Variants in ST6GALNAC5 observed in about 807,000 individuals in gnomAD.
ST6GALNAC5 encodes ST6 N-acetylgalactosaminide alpha-2,6-sialyltransferase 5.
A neutral mutation model predicts 33.6 loss-of-function variants in ST6GALNAC5; 27 were observed. The ratio of observed to expected loss-of-function variants is 0.80; its 90% CI spans 0.59 to 1.11. The LOEUF is 1.11. Ranked by LOEUF, ST6GALNAC5 falls within the 50% of genes least tolerant of loss-of-function variation. The pLI is 0.00. For missense variants in ST6GALNAC5, 428 were observed against 454.0 expected, an observed-to-expected ratio of 0.94 and a Z score of 0.52; for synonymous variants, 194 against 171.2, an observed-to-expected ratio of 1.13 and a Z score of -1.04.
At chr1:76,971,189 A>C (rs1389253493) in intron 2 of ST6GALNAC5, among the ~76,000 whole-genome samples, 1 of 152,190 alleles carries the variant, frequency 6.6e-6, no homozygotes, top group East Asian at 1.9e-4. Context: ...CTGTTTGCTA[A>C]ATATTTGCAA....
chr1:76,962,604 C>A (rs1381916721), intron 2 of ST6GALNAC5, among the ~76,000 whole-genome samples: 2 of 152,172 alleles, frequency 1.3e-5, no homozygotes, highest in Non-Finnish European at 2.9e-5. Flanking sequence ...ATTAAAGTTG[C>A]TATGTGAGAA....
chr1:77,053,728 G>A (rs1652303287), intron 4 of ST6GALNAC5, among the ~76,000 whole-genome samples: 1 of 152,326 alleles, frequency 6.6e-6, no homozygotes, highest in South Asian at 2.1e-4. Context: ...GGAATGCTTA[G>A]CAAAGTCTCA....
At chr1:77,060,139 G>C (rs979637065) in intron 4 of ST6GALNAC5, 1 of 152,268 alleles carries the variant, frequency 6.6e-6, no homozygotes, top group Non-Finnish European at 1.5e-5. Flanking sequence ...TCATTCTGCA[G>C]GGCTTGTTCT....
At chr1:76,900,281 T>A (rs973718702) in intron 2 of ST6GALNAC5, among the ~76,000 whole-genome samples, 8 of 152,072 alleles carry the variant, frequency 5.3e-5, no homozygotes, top group Non-Finnish European at 1.2e-4. Flanking sequence ...CATTTTCACT[T>A]CTTTTGTGGT....
intron 2 of ST6GALNAC5, among the ~76,000 whole-genome samples, chr1:76,998,380 G>C (rs1169986911): frequency 6.6e-6 from 1 of 151,828 alleles, no homozygotes; most frequent in South Asian, 2.1e-4. Context: ...TGGGTGACAG[G>C]GTGAGACTTT....
chr1:76,872,367 G>A (rs1364493373), intron 2 of ST6GALNAC5, among the ~76,000 whole-genome samples: 1 of 152,156 alleles, frequency 6.6e-6, no homozygotes, highest in Non-Finnish European at 1.5e-5. Context: ...AAAGGGCGGT[G>A]ATCAATGGGG....
At chr1:76,933,812 G>T (rs1400381710) in intron 2 of ST6GALNAC5, among the ~76,000 whole-genome samples, 1 of 149,496 alleles carries the variant, frequency 6.7e-6, no homozygotes, top group Non-Finnish European at 1.5e-5. Flanking sequence ...AAACAAGAGG[G>T]CAGGAGCCTC....
intron 2 of ST6GALNAC5, among the ~76,000 whole-genome samples, chr1:76,894,859 A>G (rs886203264): frequency 6.6e-5 from 10 of 152,226 alleles, no homozygotes; most frequent in Non-Finnish European, 1.2e-4. Flanking sequence ...TTGTGTGAGC[A>G]ATAAAGCTGT....
intron 2 of ST6GALNAC5, among the ~76,000 whole-genome samples, chr1:76,963,200 T>C (rs548927903): frequency 1.3e-5 from 2 of 152,310 alleles, no homozygotes; most frequent in East Asian, 1.9e-4. Flanking sequence ...GAAATACTTA[T>C]CACATTAAAG....
intron 2 of ST6GALNAC5, among the ~76,000 whole-genome samples, chr1:76,900,000 C>T (rs948684685): frequency 1.3e-5 from 2 of 152,174 alleles, no homozygotes; most frequent in Non-Finnish European, 2.9e-5. Flanking sequence ...TGTGAAGAGA[C>T]CACCAAACAG....
intron 2 of ST6GALNAC5, among the ~76,000 whole-genome samples, chr1:77,004,233 T>C (rs1650295006): frequency 6.6e-6 from 1 of 151,070 alleles, no homozygotes; most frequent in Non-Finnish European, 1.5e-5. Context: ...TCACTTCATT[T>C]CATTCATTTC....
intron 2 of ST6GALNAC5, among the ~76,000 whole-genome samples, chr1:76,961,874 C>T (rs1164410837): frequency 6.6e-6 from 1 of 152,146 alleles, no homozygotes; most frequent in Non-Finnish European, 1.5e-5. Flanking sequence ...CCCTACCCCA[C>T]CAGGCTACAA....
chr1:76,934,308 C>A (rs1718918), intron 2 of ST6GALNAC5, among the ~76,000 whole-genome samples: 1 of 151,736 alleles, frequency 6.6e-6, no homozygotes, highest in Non-Finnish European at 1.5e-5. Flanking sequence ...AATGGAGTTA[C>A]AATTGTATTT....
intron 2 of ST6GALNAC5, among the ~76,000 whole-genome samples, chr1:76,962,338 G>T (rs1648273243): frequency 6.6e-6 from 1 of 152,220 alleles, no homozygotes; most frequent in Non-Finnish European, 1.5e-5. Flanking sequence ...CAGCATGGAT[G>T]ACCCCAGATT....
intron 2 of ST6GALNAC5, among the ~76,000 whole-genome samples, chr1:76,985,545 T>C (rs538386067): frequency 6.6e-6 from 1 of 152,286 alleles, no homozygotes; most frequent in South Asian, 2.1e-4. Flanking sequence ...TCCATGCTCA[T>C]GGATAGGAAG....
At chr1:76,962,866 C>T (rs1344522300) in intron 2 of ST6GALNAC5, among the ~76,000 whole-genome samples, 1 of 152,050 alleles carries the variant, frequency 6.6e-6, no homozygotes, top group East Asian at 1.9e-4. Context: ...CTATTGACTC[C>T]AAAACTAAAG....
intron 3 of ST6GALNAC5, among the ~76,000 whole-genome samples, chr1:77,046,676 A>C (rs1004779433): frequency 2.6e-5 from 4 of 152,236 alleles, no homozygotes; most frequent in Non-Finnish European, 4.4e-5. Flanking sequence ...TAATCAAGAA[A>C]ACATTTTATA....
chr1:76,882,431 C>T (rs1653801947), intron 2 of ST6GALNAC5, among the ~76,000 whole-genome samples: 1 of 152,102 alleles, frequency 6.6e-6, no homozygotes, highest in African/African-American at 2.4e-5. Flanking sequence ...ATCATTGACT[C>T]CCCCCAAATT....
chr1:77,030,113 T>G lies in ST6GALNAC5; in HGVS notation c.262-14091T>G, dbSNP rs1651396435. 2.0e-5 allele frequency among the ~76,000 whole-genome samples: 3 copies of G among 152,220 alleles called. No homozygotes were observed. The South Asian group carries it at 6.2e-4, about 31-fold the overall frequency. ...CTGTGTATTCTCAATACCTCCCATT[T>G]CTATGTTTCTCTGCTTTCTGATTTC... is the stretch of plus-strand genomic sequence containing the variant. On this transcript the variant is annotated intron_variant, in intron 2 of 4. Transcript: ENST00000477717.
Sources: gnomAD v4.1 joint callset for allele counts (sites outside exome capture counted in the v4.1 genomes callset) on GRCh38, gnomAD v4.1.1 for gene constraint, MANE v1.5 for transcripts, NCBI Gene and HGNC (gene_info 2026-07-23, HGNC 2026-07-21) for gene names.